Variants in SDCBP observed in about 807,000 individuals in gnomAD.
The protein encoded by SDCBP is syndecan binding protein.
In SDCBP, 22 loss-of-function variants were observed where a neutral mutation model predicts 30.5. That is an observed-to-expected ratio of 0.72 (90% CI 0.52 to 1.03). SDCBP has a LOEUF of 1.03. SDCBP is among the 50% of genes least tolerant of loss of function. The pLI, the probability that SDCBP is intolerant of heterozygous loss-of-function variation, is 0.00. For synonymous variants in SDCBP, 103 were observed against 118.7 expected (o/e 0.87, Z 0.86); for missense variants, 304 against 369.9 (o/e 0.82, Z 1.46).
chr8:58,556,882 T>TTATAATACGTATAATACG (rs937594509), intron 1 of SDCBP, among the ~76,000 whole-genome samples: 2 of 144,080 alleles, frequency 1.4e-5, no homozygotes, highest in African/African-American at 5.1e-5. Context: ...TACATATATA[T>TTATAATACGTATAATACG]TATAATACGT....
chr8:58,577,843 T>A (rs1805431281), intron 5 of SDCBP, 190 bp from the exon 6 acceptor site: 1 of 463,084 alleles, frequency 2.2e-6, no homozygotes, highest in African/African-American at 2.1e-5. Flanking sequence ...GTTGCTGTCT[T>A]GATAAATTTT....
At chr8:58,556,091 T>TA (rs901281091) in intron 1 of SDCBP, among the ~76,000 whole-genome samples, 3 of 152,200 alleles carry the variant, frequency 2.0e-5, no homozygotes, top group East Asian at 1.9e-4. Context: ...TATAATTTTT[T>TA]AAAAAAATCA....
At chr8:58,565,501 G>T (rs1227364396) in intron 2 of SDCBP, among the ~76,000 whole-genome samples, 1 of 152,008 alleles carries the variant, frequency 6.6e-6, no homozygotes, top group African/African-American at 2.4e-5. Flanking sequence ...AAATAGTGGC[G>T]TACATGCTGC....
intron 1 of SDCBP, chr8:58,561,540 C>A (rs1353989887): frequency 2.6e-6 from 1 of 390,374 alleles, no homozygotes; most frequent in Non-Finnish European, 4.6e-6. Context: ...CCTTGCAGGT[C>A]AGAAAGAAGT....
intron 6 of SDCBP, among the ~76,000 whole-genome samples, chr8:58,578,584 A>G (rs1173070615): frequency 6.6e-6 from 1 of 152,166 alleles, no homozygotes; most frequent in East Asian, 1.9e-4. Flanking sequence ...TCCAAGTAGT[A>G]TGGGAGTTCT....
intron 1 of SDCBP, among the ~76,000 whole-genome samples, chr8:58,556,988 T>C (rs889738464): frequency 7.2e-6 from 1 of 139,018 alleles, no homozygotes; most frequent in African/African-American, 2.7e-5. Flanking sequence ...ATAATATATA[T>C]TGTATATCAT....
rs542118534 is a variant in SDCBP, at chr8:58,568,368, T to C, written c.52-2519T>C. Among the ~76,000 whole-genome samples the C allele has an allele frequency of 5.3e-5, 8 of 152,240 alleles. No individual in the cohort carries two copies. The East Asian group carries it at 1.5e-3, about 29-fold the overall frequency. On this transcript the variant is annotated intron_variant, in intron 2 of 8. Coordinates refer to ENST00000260130, the MANE Select transcript of SDCBP (RefSeq NM_005625.4). ...ACCTCCACATCATCCCACTGAAAGG[T>C]CTTCAGAGGCAGTAACATGCATGGA... is the stretch of plus-strand genomic sequence containing the variant.
rs776079667 is a variant in SDCBP at position 58,581,704 on chromosome 8, G to C, written c.861G>C (p.Met287Ile). Reference sequence around the variant, plus strand: ...CTTGTAGGATGGCACCAAGCATTATGAAAAGCCTAATGGACCACACCATTC... The same window carrying C: ...CTTGTAGGATGGCACCAAGCATTATCAAAAGCCTAATGGACCACACCATTC... The part of the protein sequence containing the change: ...HIIKRMAPSI[M>I]KSLMDHTIPE... The change falls in exon 9 of 9, where the codon ATG becomes ATC. Residue 287 changes from methionine (M) to isoleucine (I), a missense_variant. By Grantham distance (10) the Met-to-Ile change is conservative. Coordinates refer to ENST00000260130, the MANE Select transcript of SDCBP (RefSeq NM_005625.4). The C allele has an allele frequency of 5.6e-6, 9 of 1,612,552 alleles. No homozygotes were observed. Among genetic ancestry groups the C allele is most frequent in the Admixed American group, 1.7e-5 (1 of 59,990 alleles).
chr8:58,568,187 ATT>A (rs1484716525), intron 2 of SDCBP, among the ~76,000 whole-genome samples: 1 of 152,024 alleles, frequency 6.6e-6, no homozygotes, highest in Non-Finnish European at 1.5e-5. Flanking sequence ...TGTATAAAAT[ATT>A]TTCTTTCTTT....
intron 2 of SDCBP, among the ~76,000 whole-genome samples, chr8:58,568,013 A>T (rs923869449): frequency 1.3e-5 from 2 of 152,206 alleles, no homozygotes; most frequent in Non-Finnish European, 2.9e-5. Context: ...ACATTATTGT[A>T]TACTGCTGTA....
rs551872969 is a variant in SDCBP at position 58,572,115 on chromosome 8, A to C, written c.131-90A>C. 6.2e-5 allele frequency: 45 copies of C among 725,684 alleles called. No homozygotes were observed. The African/African-American group carries it at 8.0e-4, about 13-fold the overall frequency. The allele number at this position is 725,684 out of a possible 1,614,324, so 45.0% of individuals were successfully genotyped here. A position where few individuals can be genotyped will look rare whatever the true frequency, so the allele number is the denominator to read the frequency against. On this transcript the variant is annotated intron_variant, in intron 3 of 8. Transcript: ENST00000260130. ...TTCTAGATTTTATAACTTAAGTGTA[A>C]TTTTGTTAATACGCAGAAGCCCATA...
At chr8:58,574,206 AC>A (rs925813989) in intron 4 of SDCBP, among the ~76,000 whole-genome samples, 55 of 152,316 alleles carry the variant, frequency 3.6e-4, no homozygotes, top group African/African-American at 1.1e-3. Context: ...GGTATTGATT[AC>A]TATATGATAC....
In SDCBP at chr8:58,572,271, T is replaced by TA; in HGVS notation, c.198dup (p.Arg67ThrfsTer33). 1 of 1,612,612 alleles carries TA rather than the reference T, an allele frequency of 6.2e-7. No individual in the cohort carries two copies. Among genetic ancestry groups the TA allele is most frequent in the Non-Finnish European group, 8.5e-7 (1 of 1,179,726 alleles). On this transcript the variant is annotated frameshift_variant, in exon 4 of 9. Coordinates refer to ENST00000260130, the MANE Select transcript of SDCBP (RefSeq NM_005625.4). LOFTEE classifies it high-confidence loss of function. ...GGGCTGAGTTTAAATGAAGAAGAAA[T>TA]ACGTGCAAATGTGGCCGTGGTTTCT... is the stretch of plus-strand genomic sequence containing the variant.
intron 1 of SDCBP, among the ~76,000 whole-genome samples, chr8:58,555,759 T>G (rs1804065557): frequency 6.6e-6 from 1 of 151,922 alleles, no homozygotes; most frequent in Non-Finnish European, 1.5e-5. Context: ...TTAGTTTTTT[T>G]TTTTTTTAGA....
chr8:58,557,467 T>A (rs1343254896), intron 1 of SDCBP, among the ~76,000 whole-genome samples: 1 of 145,110 alleles, frequency 6.9e-6, no homozygotes, highest in Non-Finnish European at 1.5e-5. Context: ...TAATACATAT[T>A]ATATATGTTA....
chr8:58,572,090 T>C, intron 3 of SDCBP, 115 bp from the exon 4 acceptor site: 1 of 640,240 alleles, frequency 1.6e-6, no homozygotes, highest in Non-Finnish European at 2.8e-6. Flanking sequence ...TTTAAATTCA[T>C]TCTAGATTTT....
chr8:58,561,693 T>G, intron 1 of SDCBP: 1 of 641,518 alleles, frequency 1.6e-6, no homozygotes, highest in Non-Finnish European at 2.8e-6. Context: ...TAAACGCCAA[T>G]GGGAGTCTGT....
intron 8 of SDCBP, among the ~76,000 whole-genome samples, chr8:58,580,949 TGTG>T (rs1805654187): frequency 6.6e-6 from 1 of 152,244 alleles, no homozygotes; most frequent in South Asian, 2.1e-4. Flanking sequence ...TAAATATAGT[TGTG>T]GTGGTTCGTA....
chr8:58,574,659 C>A (rs1002867541), intron 4 of SDCBP, among the ~76,000 whole-genome samples: 10 of 151,982 alleles, frequency 6.6e-5, no homozygotes, highest in South Asian at 2.1e-4. Context: ...ATATTTTATT[C>A]TTCTTCTCTT....
Sources: gnomAD v4.1 joint callset for allele counts (sites outside exome capture counted in the v4.1 genomes callset) on GRCh38, gnomAD v4.1.1 for gene constraint, MANE v1.5 for transcripts, NCBI Gene and HGNC (gene_info 2026-07-23, HGNC 2026-07-21) for gene names.